LRRFIP1: variants seen among roughly 807,000 people sequenced by gnomAD.
LRRFIP1 encodes the protein leucine-rich repeat flightless-interacting protein 1.
A neutral mutation model predicts 104.4 loss-of-function variants in LRRFIP1; 62 were observed. That is an observed-to-expected ratio of 0.59 (90% confidence interval 0.48 to 0.73). The LOEUF is 0.73. Ranked by LOEUF, LRRFIP1 falls within the 30% of genes least tolerant of loss-of-function variation. The pLI is 0.00. For synonymous variants in LRRFIP1, 300 were observed against 299.0 expected (o/e 1.00, Z -0.03); for missense variants, 796 against 824.5 (o/e 0.97, Z 0.42).
At chr2:237,768,831 A>G (rs998651648) in intron 19 of LRRFIP1, 3 of 152,220 alleles carry the variant, frequency 2.0e-5, no homozygotes, top group South Asian at 2.1e-4. Flanking sequence ...TTCTTTTCAC[A>G]TGGCTAATCA....
At chr2:237,700,925 T>G (rs1366925460) in intron 1 of LRRFIP1, among the ~76,000 whole-genome samples, 2 of 152,208 alleles carry the variant, frequency 1.3e-5, no homozygotes, top group Non-Finnish European at 2.9e-5. Context: ...CCTAAAGTTG[T>G]GGCTCATAAA....
At chr2:237,706,472 A>C (rs762120404) in intron 1 of LRRFIP1, among the ~76,000 whole-genome samples, 2 of 152,120 alleles carry the variant, frequency 1.3e-5, no homozygotes, top group African/African-American at 2.4e-5. Flanking sequence ...CTGGCTTAGA[A>C]ACTGAGCCAA....
At chr2:237,700,627 C>T (rs2093464448) in intron 1 of LRRFIP1, among the ~76,000 whole-genome samples, 2 of 151,838 alleles carry the variant, frequency 1.3e-5, no homozygotes, top group Non-Finnish European at 2.9e-5. Flanking sequence ...TGAACAGCCC[C>T]GTGGGGCGTC....
chr2:237,652,465 C>G (rs752422758), intron 1 of LRRFIP1, among the ~76,000 whole-genome samples: 15 of 152,170 alleles, frequency 9.9e-5, no homozygotes, highest in Non-Finnish European at 1.9e-4. Context: ...TTACAGCAAC[C>G]TTGATGAGAG....
chr2:237,700,931 A>G (rs1320767431), intron 1 of LRRFIP1, among the ~76,000 whole-genome samples: 1 of 152,208 alleles, frequency 6.6e-6, no homozygotes, highest in Non-Finnish European at 1.5e-5. Flanking sequence ...GTTGTGGCTC[A>G]TAAACCCCTT....
intron 1 of LRRFIP1, among the ~76,000 whole-genome samples, chr2:237,644,903 G>A (rs2149345254): frequency 1.3e-5 from 2 of 152,364 alleles, no homozygotes; most frequent in South Asian, 4.1e-4. Flanking sequence ...GCACAAAGGT[G>A]AAGCGCCCTT....
At chr2:237,698,382 G>A (rs1483129917) in intron 1 of LRRFIP1, among the ~76,000 whole-genome samples, 2 of 152,220 alleles carry the variant, frequency 1.3e-5, no homozygotes, top group Non-Finnish European at 2.9e-5. Context: ...GGAGGCTGTG[G>A]CTGGGTCTTC....
In LRRFIP1 at chr2:237,743,024, C is replaced by A. The variant is rs185679389; in HGVS notation, c.633+3715C>A. Among the ~76,000 whole-genome samples the A allele has an allele frequency of 4.2e-3, 625 of 147,308 alleles. 6 individuals carry two copies. Among genetic ancestry groups the A allele is most frequent in the African/African-American group, 0.015 (594 of 39,236 alleles). ...CTTAAAAAGCAAAAAGAAACCCCCC[C>A]AAAAAAACAAAAAAAAAACATATGG... On this transcript the variant is annotated intron_variant, in intron 11 of 23. Coordinates refer to ENST00000308482, the MANE Select transcript of LRRFIP1 (RefSeq NM_001137550.2).
chr2:237,760,329 T>G, intron 19 of LRRFIP1, 124 bp downstream of exon 19: 1 of 1,099,774 alleles, frequency 9.1e-7, no homozygotes, highest in Non-Finnish European at 1.3e-6. Flanking sequence ...TGCCATTTGT[T>G]TCATCACTTC....
At chr2:237,657,474 T>C (rs1236341359) in intron 1 of LRRFIP1, among the ~76,000 whole-genome samples, 1 of 152,158 alleles carries the variant, frequency 6.6e-6, no homozygotes, top group Non-Finnish European at 1.5e-5. Context: ...AAAGAGGTTC[T>C]TGAGAAGACA....
At chr2:237,662,162 T>G (rs1442540207) in intron 1 of LRRFIP1, among the ~76,000 whole-genome samples, 3 of 151,382 alleles carry the variant, frequency 2.0e-5, no homozygotes, top group Non-Finnish European at 4.4e-5. Context: ...CCCTCTGGCT[T>G]GTAGACACAT....
At chr2:237,647,723 GGCA>G (rs1559465512) in intron 1 of LRRFIP1, among the ~76,000 whole-genome samples, 5 of 80,548 alleles carry the variant, frequency 6.2e-5, no homozygotes, top group African/African-American at 2.6e-4. Flanking sequence ...ACTCACTGCA[GGCA>G]GGTGGAGGGA....
chr2:237,727,803 G>A, intron 7 of LRRFIP1, 73 bp from the exon 8 acceptor site: 4 of 1,121,496 alleles, frequency 3.6e-6, no homozygotes, highest in East Asian at 2.3e-5. Flanking sequence ...TGGCTGGTTG[G>A]TCCCTGCTGA....
In LRRFIP1 at chr2:237,661,710, G is replaced by A. The variant is rs938429461; in HGVS notation, c.96+33970G>A. Among the ~76,000 whole-genome samples, 16 of 152,308 alleles carry A rather than the reference G, an allele frequency of 1.1e-4. No homozygotes were observed. The highest frequency in any genetic ancestry group is 3.9e-4 in the Admixed American group (6 of 15,302). ...GACAGTTGTGTCCCTGGTGCAACAC[G>A]GGAGTGGGCACACATTCTCTGTGCT... is the stretch of plus-strand genomic sequence containing the variant. On this transcript the variant is annotated intron_variant, in intron 1 of 23. Coordinates refer to ENST00000308482, the MANE Select transcript of LRRFIP1 (RefSeq NM_001137550.2). The surrounding 1 kb of genome is among the most constrained non-coding windows in gnomAD (Gnocchi z 4.4).
intron 1 of LRRFIP1, among the ~76,000 whole-genome samples, chr2:237,704,194 C>T (rs2093690554): frequency 6.6e-6 from 1 of 150,642 alleles, no homozygotes; most frequent in South Asian, 2.1e-4. Context: ...GCTCTGTTGC[C>T]CAGGCTGGAG....
intron 1 of LRRFIP1, among the ~76,000 whole-genome samples, chr2:237,633,926 A>C (rs1368815419): frequency 6.6e-6 from 1 of 152,202 alleles, no homozygotes; most frequent in Non-Finnish European, 1.5e-5. Context: ...ACCAGGGGTG[A>C]CATTTCAGGA....
intron 1 of LRRFIP1, among the ~76,000 whole-genome samples, chr2:237,663,286 C>A (rs529110245): frequency 6.6e-6 from 1 of 152,332 alleles, no homozygotes; most frequent in African/African-American, 2.4e-5. Context: ...GTAGTCTGAA[C>A]GTTTGTGTCT....
chr2:237,775,624 G>T (rs1576454397), intron 23 of LRRFIP1, among the ~76,000 whole-genome samples: 1 of 152,246 alleles, frequency 6.6e-6, no homozygotes, highest in African/African-American at 2.4e-5. Context: ...TTGAGCTCAG[G>T]AGTTCAAGAC....
intron 1 of LRRFIP1, among the ~76,000 whole-genome samples, chr2:237,670,715 C>G (rs1320410674): frequency 6.6e-6 from 1 of 152,224 alleles, no homozygotes; most frequent in African/African-American, 2.4e-5. Context: ...CTGGGCCCAG[C>G]TCTGGCTGTG....
Sources: allele counts gnomAD v4.1 joint callset (sites outside exome capture counted in the v4.1 genomes callset), GRCh38; gene constraint gnomAD v4.1.1; non-coding constraint Gnocchi (gnomAD v3.1); transcripts MANE v1.5; gene names NCBI Gene and HGNC (gene_info 2026-07-23, HGNC 2026-07-21).